Variants in RABGAP1L observed in about 807,000 individuals in gnomAD.
RABGAP1L encodes RAB GTPase activating protein 1 like.
A neutral mutation model predicts 137.7 loss-of-function variants in RABGAP1L; 63 were observed. The ratio of observed to expected loss-of-function variants is 0.46; its 90% CI spans 0.37 to 0.56. The LOEUF is 0.56. Among genes scored for constraint, RABGAP1L ranks in the 20% least tolerant of loss-of-function variants. RABGAP1L has a pLI of 0.00. For missense variants in RABGAP1L, 1,095 were observed against 1,244.0 expected (o/e 0.88, Z 1.80); for synonymous variants, 431 against 433.7 (o/e 0.99, Z 0.08).
intron 13 of RABGAP1L, among the ~76,000 whole-genome samples, chr1:174,468,804 C>T (rs1189313437): frequency 2.0e-5 from 3 of 152,108 alleles, no homozygotes; most frequent in Admixed American, 2.0e-4. Flanking sequence ...ACTTTCCCCA[C>T]TGTGTTTCTA....
rs747288917 is a variant in RABGAP1L at position 174,544,407 on chromosome 1, G to A, written c.1711-92968G>A. 3.8e-4 allele frequency among the ~76,000 whole-genome samples: 58 copies of A among 152,132 alleles called. 1 individual carries two copies. Among genetic ancestry groups the A allele is most frequent in the African/African-American group, 1.1e-3 (46 of 41,498 alleles). On this transcript the variant is annotated intron_variant, in intron 13 of 25. Coordinates refer to ENST00000681986, the MANE Select transcript of RABGAP1L (RefSeq NM_001366446.1). ...TTTAATCAGCTGCTGAAGCTTGTGC[G>A]TGCATCATGTAGTTCTCTTGCCATG...
intron 11 of RABGAP1L, among the ~76,000 whole-genome samples, chr1:174,331,221 C>G (rs1681000834): frequency 6.6e-6 from 1 of 152,164 alleles, no homozygotes; most frequent in Non-Finnish European, 1.5e-5. Context: ...AGACTTGAAA[C>G]TATGAAATTG....
chr1:174,220,539 A>G (rs1368104694), intron 2 of RABGAP1L, among the ~76,000 whole-genome samples: 1 of 151,996 alleles, frequency 6.6e-6, no homozygotes, highest in Non-Finnish European at 1.5e-5. Flanking sequence ...GTGGTCGTGC[A>G]CGCCTGTAGT....
In RABGAP1L at chr1:174,256,011, C is replaced by T. The variant is rs141614407; in HGVS notation, c.986+3421C>T. On this transcript the variant is annotated intron_variant, in intron 7 of 25. Transcript: ENST00000681986. ...TATCAACATACGTGAATTTAGCATT[C>T]ATACACAACTTTTAATCTAACCTGC... is the stretch of plus-strand genomic sequence containing the variant. 3.2e-4 allele frequency among the ~76,000 whole-genome samples: 48 copies of T among 152,318 alleles called. 1 individual carries two copies. In the East Asian group the frequency reaches 9.1e-3, roughly 29 times the overall value.
At chr1:174,578,875 T>C (rs1020205860) in intron 13 of RABGAP1L, among the ~76,000 whole-genome samples, 3 of 152,184 alleles carry the variant, frequency 2.0e-5, no homozygotes, top group Admixed American at 1.3e-4. Context: ...GAAGATAGTT[T>C]TGTGAACAGT....
intron 13 of RABGAP1L, among the ~76,000 whole-genome samples, chr1:174,620,563 A>G: frequency 6.6e-6 from 1 of 152,236 alleles, no homozygotes; most frequent in East Asian, 1.9e-4. Context: ...GAAGGCAGAA[A>G]TAAAGATGTT....
At chr1:174,332,463 C>T (rs1456484149) in intron 11 of RABGAP1L, among the ~76,000 whole-genome samples, 2 of 152,010 alleles carry the variant, frequency 1.3e-5, no homozygotes, top group Non-Finnish European at 2.9e-5. Flanking sequence ...GCAGCATGAT[C>T]TTGGCTGACT....
At chr1:174,650,691 C>T (rs1302893436) in intron 14 of RABGAP1L, among the ~76,000 whole-genome samples, 2 of 151,066 alleles carry the variant, frequency 1.3e-5, no homozygotes, top group Non-Finnish European at 2.9e-5. Flanking sequence ...TCCCCTTTAT[C>T]ATTTTTTATT....
At chr1:174,808,163 A>T (rs1468143564) in intron 18 of RABGAP1L, among the ~76,000 whole-genome samples, 1 of 151,090 alleles carries the variant, frequency 6.6e-6, no homozygotes, top group African/African-American at 2.4e-5. Context: ...TTTTTTTTGT[A>T]TTTTTAGTAG....
chr1:174,448,938 T>C lies in RABGAP1L; in HGVS notation c.1710+54793T>C. On this transcript the variant is annotated intron_variant, in intron 13 of 25. Transcript: ENST00000681986. The surrounding 1 kb of genome is among the most constrained non-coding windows in gnomAD (Gnocchi z 4.2). ...TTTAGGATAACCAGTGTATTTTATA[T>C]GCTGTGGCTCCCCTATATAATTTAC... is the stretch of plus-strand genomic sequence containing the variant. 1 of 1,614,066 alleles carries C rather than the reference T, an allele frequency of 6.2e-7. No homozygotes were observed. The highest frequency in any genetic ancestry group is 8.5e-7 in the Non-Finnish European group (1 of 1,179,906).
rs1297861541 is a variant in RABGAP1L, at chr1:174,995,028, CATGT to C, written c.*5030_*5033del. On this transcript the variant is annotated 3_prime_UTR_variant, in exon 26 of 26. Coordinates refer to ENST00000681986, the MANE Select transcript of RABGAP1L (RefSeq NM_001366446.1). ...GACCAATTAGACGTTTCCGTAATTC[CATGT>C]ATTATGTATAGTACACTCTATAAAT... The C allele has an allele frequency of 2.6e-5, 4 of 151,840 alleles. No homozygotes were observed. The highest frequency in any genetic ancestry group is 4.4e-5 in the Non-Finnish European group (3 of 67,876). The allele number at this position is 151,840 out of a possible 1,614,324, so 9.4% of individuals were successfully genotyped here. A position where few individuals can be genotyped will look rare whatever the true frequency, so the allele number is the denominator to read the frequency against.
chr1:174,958,907 AG>A (rs1668848839), intron 20 of RABGAP1L, among the ~76,000 whole-genome samples: 2 of 152,206 alleles, frequency 1.3e-5, no homozygotes, highest in African/African-American at 4.8e-5. Flanking sequence ...TACAAGGATG[AG>A]GGATGCTGTA....
intron 13 of RABGAP1L, among the ~76,000 whole-genome samples, chr1:174,575,134 T>C (rs889160575): frequency 4.6e-5 from 7 of 152,110 alleles, no homozygotes. Context: ...TTCTCCATGT[T>C]AGTCAGGCTG....
In RABGAP1L at chr1:174,993,874, A is replaced by G. The variant is rs1051274346; in HGVS notation, c.*3873A>G. 1.6e-4 allele frequency: 24 copies of G among 152,238 alleles called. No homozygotes were observed. Among genetic ancestry groups the G allele is most frequent in the African/African-American group, 5.8e-4 (24 of 41,464 alleles). 9.4% of individuals were successfully genotyped at this position (152,238 alleles called of 1,614,324 possible). A position where few individuals can be genotyped will look rare whatever the true frequency, so the allele number is the denominator to read the frequency against. Reference sequence around the variant, plus strand: ...TCTCCAATTACAAATGAGTGTGAAGAAATTCTGTTGTATGATTTGAACACT... The same window carrying G: ...TCTCCAATTACAAATGAGTGTGAAGGAATTCTGTTGTATGATTTGAACACT... On this transcript the variant is annotated 3_prime_UTR_variant, in exon 26 of 26. Coordinates refer to ENST00000681986, the MANE Select transcript of RABGAP1L (RefSeq NM_001366446.1).
intron 11 of RABGAP1L, among the ~76,000 whole-genome samples, chr1:174,345,570 A>C (rs1054062420): frequency 1.3e-5 from 2 of 152,064 alleles, no homozygotes; most frequent in African/African-American, 4.8e-5. Flanking sequence ...GACTTACAGA[A>C]ATGCTACTGA....
intron 18 of RABGAP1L, among the ~76,000 whole-genome samples, chr1:174,790,209 C>CAA (rs112964112): frequency 4.8e-5 from 6 of 124,894 alleles, no homozygotes; most frequent in Non-Finnish European, 6.9e-5. Context: ...GACTTTGTCT[C>CAA]AAAAAAAAAA....
At chr1:174,561,593 A>T (rs1050446745) in intron 13 of RABGAP1L, among the ~76,000 whole-genome samples, 3 of 152,210 alleles carry the variant, frequency 2.0e-5, no homozygotes, top group African/African-American at 7.2e-5. Context: ...GCATCATGCT[A>T]CCTTACTTCA....
At chr1:174,304,630 C>CTA (rs1164834776) in intron 10 of RABGAP1L, among the ~76,000 whole-genome samples, 1 of 152,074 alleles carries the variant, frequency 6.6e-6, no homozygotes, top group African/African-American at 2.4e-5. Flanking sequence ...ATTCTTTGAG[C>CTA]TATATACTTT....
chr1:174,386,868 C>T (rs887554075), intron 12 of RABGAP1L, among the ~76,000 whole-genome samples: 9 of 152,032 alleles, frequency 5.9e-5, no homozygotes, highest in African/African-American at 9.7e-5. Flanking sequence ...CTAGGAAAAT[C>T]GATAACCCTG....
Sources: allele counts gnomAD v4.1 joint callset (sites outside exome capture counted in the v4.1 genomes callset), GRCh38; gene constraint gnomAD v4.1.1; non-coding constraint Gnocchi (gnomAD v3.1); transcripts MANE v1.5; gene names NCBI Gene and HGNC (gene_info 2026-07-23, HGNC 2026-07-21).